Variants in ST3GAL3 observed in about 807,000 individuals in gnomAD.
ST3GAL3 encodes ST3 beta-galactoside alpha-2,3-sialyltransferase 3.
In ST3GAL3, 21 loss-of-function variants were observed where a neutral mutation model predicts 50.1. The observed-to-expected ratio is 0.42, with a 90% CI of 0.30 to 0.60. The LOEUF (loss-of-function observed/expected upper bound fraction) is 0.60, where lower values mean the gene tolerates loss of function less well. Ranked by LOEUF, ST3GAL3 falls within the 20% of genes least tolerant of loss-of-function variation. ST3GAL3 has a pLI of 0.19. For missense variants in ST3GAL3, 353 were observed against 489.4 expected (o/e 0.72, Z 2.63); for synonymous variants, 183 against 190.0 (o/e 0.96, Z 0.30).
chr1:43,799,117 A>G (rs765661593), intron 3 of ST3GAL3, among the ~76,000 whole-genome samples: 1 of 152,250 alleles, frequency 6.6e-6, no homozygotes, highest in Non-Finnish European at 1.5e-5. Flanking sequence ...ACGTTCATAC[A>G]TATACAGTAT....
chr1:43,928,525 G>C (rs565491173), intron 11 of ST3GAL3, among the ~76,000 whole-genome samples: 1 of 152,044 alleles, frequency 6.6e-6, no homozygotes, highest in South Asian at 2.1e-4. Flanking sequence ...CCTTGAACCC[G>C]GGGGGCGGAG....
chr1:43,765,327 T>A (rs940266827), intron 2 of ST3GAL3, among the ~76,000 whole-genome samples: 2 of 152,126 alleles, frequency 1.3e-5, no homozygotes, highest in Non-Finnish European at 2.9e-5. Context: ...AAGAGACCTC[T>A]CTCTTCAAGC....
intron 5 of ST3GAL3, among the ~76,000 whole-genome samples, chr1:43,863,142 C>T (rs547053565): frequency 6.6e-6 from 1 of 152,172 alleles, no homozygotes; most frequent in Non-Finnish European, 1.5e-5. Flanking sequence ...AGCTCACTGT[C>T]TGGGGGAAGT....
At chr1:43,894,346 C>G in intron 5 of ST3GAL3, 37 bp from the exon 6 acceptor site, 2 of 1,595,820 alleles carry the variant, frequency 1.3e-6, no homozygotes, top group South Asian at 1.1e-5. Context: ...CAGACTGTTG[C>G]GTTTTTGTGA....
chr1:43,900,031 G>T (rs1345184993), intron 9 of ST3GAL3, among the ~76,000 whole-genome samples: 3 of 150,558 alleles, frequency 2.0e-5, no homozygotes, highest in Non-Finnish European at 4.4e-5. Context: ...CCCTTCCCTG[G>T]CCTTAGATCT....
At chr1:43,917,475 T>TATATA (rs1354159933) in intron 9 of ST3GAL3, among the ~76,000 whole-genome samples, 1 of 79,768 alleles carries the variant, frequency 1.3e-5, no homozygotes, top group Admixed American at 2.3e-4. Flanking sequence ...TAATATATAA[T>TATATA]ATATATAATA....
At chr1:43,713,725 G>A (rs1033550135) in intron 1 of ST3GAL3, among the ~76,000 whole-genome samples, 3 of 151,982 alleles carry the variant, frequency 2.0e-5, no homozygotes, top group Non-Finnish European at 4.4e-5. Context: ...TTATAGAGAT[G>A]TGGTTTCACC....
At chr1:43,891,829 G>A (rs1330246250) in intron 5 of ST3GAL3, among the ~76,000 whole-genome samples, 2 of 152,186 alleles carry the variant, frequency 1.3e-5, no homozygotes, top group African/African-American at 4.8e-5. Flanking sequence ...TAGAAGTACT[G>A]TAGCATCTCC....
At chr1:43,723,539 A>G (rs758524826) in intron 1 of ST3GAL3, among the ~76,000 whole-genome samples, 1 of 152,192 alleles carries the variant, frequency 6.6e-6, no homozygotes, top group East Asian at 1.9e-4. Flanking sequence ...CTGTAAGCCA[A>G]ATAAACTCGT....
At position 43,898,275 on chromosome 1, in the gene ST3GAL3, C is replaced by T. The variant is rs1558780438; in HGVS notation, c.438C>T (p.Tyr146=). 1.2e-6 allele frequency: 2 copies of T among 1,613,834 alleles called. No individual in the cohort carries two copies. Among genetic ancestry groups the T allele is most frequent in the East Asian group, 2.2e-5 (1 of 44,888 alleles). ...IKAILSVTKE[Y]RLTPALDSLR... is the part of the protein sequence containing the mutation. Reference sequence around the variant, plus strand: ...CCATCTTGTCAGTCACCAAAGAGTACCGCCTGACCCCTGCCTTGGACAGGT... The same window carrying T: ...CCATCTTGTCAGTCACCAAAGAGTATCGCCTGACCCCTGCCTTGGACAGGT... Residue 146 remains tyrosine (Y), a synonymous_variant, in exon 7 of 12, where the codon TAC becomes TAT. Coordinates refer to ENST00000347631, the MANE Select transcript of ST3GAL3 (RefSeq NM_006279.5).
chr1:43,806,655 T>C (rs886380184), intron 3 of ST3GAL3, among the ~76,000 whole-genome samples: 2 of 152,176 alleles, frequency 1.3e-5, no homozygotes, highest in Non-Finnish European at 2.9e-5. Context: ...GTGTAGGAAA[T>C]AACCAATGTG....
At chr1:43,917,495 TATAA>T (rs1345175335) in intron 9 of ST3GAL3, among the ~76,000 whole-genome samples, 3 of 71,532 alleles carry the variant, frequency 4.2e-5, no homozygotes, top group African/African-American at 1.5e-4. Context: ...ATATAATATA[TATAA>T]TATATTATAT....
In ST3GAL3 at chr1:43,881,055, G is replaced by C. The variant is rs150634208; in HGVS notation, c.303-13328G>C. On this transcript the variant is annotated intron_variant, in intron 5 of 11. Transcript: ENST00000347631. ...AGACGGAGTCTCACTCTGTCACCCA[G>C]ACTGGAGTGCAATGGCGCGATCTCA... Among the ~76,000 whole-genome samples, 478 of 151,504 alleles carry C rather than the reference G, an allele frequency of 3.2e-3. 1 individual carries two copies. The highest frequency in any genetic ancestry group is 0.011 in the African/African-American group (456 of 41,254).
intron 5 of ST3GAL3, among the ~76,000 whole-genome samples, chr1:43,847,877 G>T (rs1172131033): frequency 2.0e-5 from 3 of 151,894 alleles, no homozygotes; most frequent in Non-Finnish European, 4.4e-5. Context: ...CTTTACTGTT[G>T]GTCTTTCTTC....
chr1:43,896,397 T>C (rs1357337873), intron 6 of ST3GAL3, among the ~76,000 whole-genome samples: 1 of 152,208 alleles, frequency 6.6e-6, no homozygotes, highest in Non-Finnish European at 1.5e-5. Flanking sequence ...CTAGGAATAA[T>C]AAGCATTGAT....
rs1292101528 is a variant in ST3GAL3 at position 43,861,791 on chromosome 1, G to T, written c.302+23480G>T. Among the ~76,000 whole-genome samples, 3 of 152,294 alleles carry T rather than the reference G, an allele frequency of 2.0e-5. No individual in the cohort carries two copies. The East Asian group carries it at 5.8e-4, about 29-fold the overall frequency. ...CGCCTGTAATCCCGGCACTTTGGGA[G>T]GCCAGGGCAGGCGGATCACCTGAAG... On this transcript the variant is annotated intron_variant, in intron 5 of 11. Transcript: ENST00000347631.
chr1:43,850,438 T>A, intron 5 of ST3GAL3: 1 of 588,658 alleles, frequency 1.7e-6, no homozygotes, highest in Non-Finnish European at 3.3e-6. Context: ...CCAGCGTTGC[T>A]CTGGATCTGC....
chr1:43,771,811 T>C lies in ST3GAL3; in HGVS notation c.119-20291T>C, dbSNP rs552018597. Reference sequence around the variant, plus strand: ...ATCCAGATCATGGTTGTTATAGTTGTGATGCTTATAGTGTTAATTTGAGGA... The same window carrying C: ...ATCCAGATCATGGTTGTTATAGTTGCGATGCTTATAGTGTTAATTTGAGGA... On this transcript the variant is annotated intron_variant, in intron 2 of 11. Transcript: ENST00000347631. The C allele has an allele frequency of 1.0e-5, 4 of 397,232 alleles. No individual in the cohort carries two copies. The Admixed American group carries it at 1.3e-4, about 13-fold the overall frequency. The allele number at this position is 397,232 out of a possible 1,614,324, so 24.6% of individuals were successfully genotyped here. A position where few individuals can be genotyped will look rare whatever the true frequency, so the allele number is the denominator to read the frequency against.
At chr1:43,830,464 G>A (rs1476399445) in intron 4 of ST3GAL3, among the ~76,000 whole-genome samples, 1 of 152,204 alleles carries the variant, frequency 6.6e-6, no homozygotes, top group Non-Finnish European at 1.5e-5. Context: ...GCTCCAGGAA[G>A]ATACACTGGT....
Sources: allele counts gnomAD v4.1 joint callset (sites outside exome capture counted in the v4.1 genomes callset), GRCh38; gene constraint gnomAD v4.1.1; transcripts MANE v1.5; gene names NCBI Gene and HGNC (gene_info 2026-07-23, HGNC 2026-07-21).